Variants in CNTN4 observed in about 807,000 individuals in gnomAD.
CNTN4 encodes the protein contactin 4, also known as contactin-4.
In CNTN4, 77 loss-of-function variants were observed where a neutral mutation model predicts 122.5. The ratio of observed to expected loss-of-function variants is 0.63; its 90% CI spans 0.52 to 0.76. CNTN4 has a LOEUF of 0.76. CNTN4 is among the 30% of genes least tolerant of loss of function. CNTN4 has a pLI of 0.00. For missense variants in CNTN4, 1,256 were observed against 1,259.1 expected (o/e 1.00, Z 0.04); for synonymous variants, 512 against 447.0 (o/e 1.15, Z -1.83).
rs369095482 is a variant in CNTN4, at chr3:2,745,599, A to G, written c.260A>G (p.Asn87Ser). 2.4e-5 allele frequency: 39 copies of G among 1,614,052 alleles called. No homozygotes were observed. Among genetic ancestry groups the G allele is most frequent in the Middle Eastern group, 1.6e-4 (1 of 6,084 alleles). The stretch of plus-strand genomic sequence containing the variant: ...GTTGTTGAAGGGAGCTTGTTGATCA[A>G]TAACCCCAATAAAACCCAAGATGCT... ...YSVVEGSLLI[N>S]NPNKTQDAGT... The change falls in exon 6 of 25, where the codon AAT becomes AGT. Residue 87 changes from asparagine to serine, a missense_variant. Asn to Ser is a conservative substitution (Grantham distance 46). Coordinates refer to ENST00000418658, the MANE Select transcript of CNTN4 (RefSeq NM_175607.3).
At chr3:2,857,866 C>A (rs1028717851) in intron 7 of CNTN4, among the ~76,000 whole-genome samples, 1 of 152,230 alleles carries the variant, frequency 6.6e-6, no homozygotes, top group Non-Finnish European at 1.5e-5. Context: ...TTCAGCACCC[C>A]ACTTTTATCC....
In CNTN4 at chr3:2,669,437, A is replaced by T. The variant is rs567402265; in HGVS notation, c.56-66778A>T. 2.5e-3 allele frequency among the ~76,000 whole-genome samples: 385 copies of T among 152,238 alleles called. 3 individuals are homozygous for T. The highest frequency in any genetic ancestry group is 8.8e-3 in the African/African-American group (367 of 41,546). On this transcript the variant is annotated intron_variant, in intron 4 of 24. Coordinates refer to ENST00000418658, the MANE Select transcript of CNTN4 (RefSeq NM_175607.3). ...GTATTTCTGTGGGATCAGTGGTGAT[A>T]TCCCCTTTGTCATTTTTTATTGCAT...
chr3:2,441,599 T>C (rs1237650952), intron 3 of CNTN4, among the ~76,000 whole-genome samples: 2 of 152,208 alleles, frequency 1.3e-5, no homozygotes, highest in African/African-American at 4.8e-5. Context: ...TAATTTTGAT[T>C]CCTGCAGTGG....
At chr3:2,840,047 T>A (rs2093319357) in intron 7 of CNTN4, among the ~76,000 whole-genome samples, 1 of 152,144 alleles carries the variant, frequency 6.6e-6, no homozygotes, top group African/African-American at 2.4e-5. Flanking sequence ...AGGCACAGCT[T>A]CCAAAATCCC....
chr3:2,619,629 T>C (rs1021975337), intron 4 of CNTN4, among the ~76,000 whole-genome samples: 2 of 152,344 alleles, frequency 1.3e-5, no homozygotes, highest in African/African-American at 4.8e-5. Context: ...GAGCAAGTCC[T>C]GTAGAACTTA....
rs1353927918 is a variant in CNTN4 at position 2,912,018 on chromosome 3, T to A, written c.1207+9013T>A. Among the ~76,000 whole-genome samples, 4 of 152,186 alleles carry A rather than the reference T, an allele frequency of 2.6e-5. 1 individual carries two copies. The highest frequency in any genetic ancestry group is 2.6e-4 in the Admixed American group (4 of 15,288). ...AAGAGAGAAAATGGCAGAGAGCCTA[T>A]CTGAAGAAAAAATGGCTGAAAACTT... On this transcript the variant is annotated intron_variant, in intron 12 of 24. Coordinates refer to ENST00000418658, the MANE Select transcript of CNTN4 (RefSeq NM_175607.3).
chr3:2,225,726 G>T (rs990862301), intron 2 of CNTN4, among the ~76,000 whole-genome samples: 4 of 152,068 alleles, frequency 2.6e-5, no homozygotes, highest in African/African-American at 9.7e-5. Context: ...CGTCTGCCTT[G>T]ACACCATTCC....
chr3:2,771,511 C>CT (rs2091098663), intron 6 of CNTN4, among the ~76,000 whole-genome samples: 1 of 152,204 alleles, frequency 6.6e-6, no homozygotes, highest in Non-Finnish European at 1.5e-5. Flanking sequence ...TTCTACCTCT[C>CT]TGAGTCTCAG....
intron 4 of CNTN4, among the ~76,000 whole-genome samples, chr3:2,683,377 T>G (rs2085267045): frequency 6.6e-6 from 1 of 151,904 alleles, no homozygotes; most frequent in African/African-American, 2.4e-5. Context: ...CTCAGCAGCT[T>G]TTATCGAAAG....
At chr3:2,508,684 C>T (rs923106632) in intron 3 of CNTN4, among the ~76,000 whole-genome samples, 3 of 152,130 alleles carry the variant, frequency 2.0e-5, no homozygotes, top group African/African-American at 7.2e-5. Flanking sequence ...AAGTCTAAAA[C>T]AATCTCTGTA....
intron 2 of CNTN4, among the ~76,000 whole-genome samples, chr3:2,281,770 A>G (rs1305329940): frequency 6.6e-6 from 1 of 151,984 alleles, no homozygotes; most frequent in Non-Finnish European, 1.5e-5. Context: ...GAATTAATTA[A>G]TTTGTCGAAT....
chr3:2,676,641 T>G (rs906829070), intron 4 of CNTN4, among the ~76,000 whole-genome samples: 2 of 152,206 alleles, frequency 1.3e-5, no homozygotes, highest in African/African-American at 4.8e-5. Context: ...GTTGGCCAGG[T>G]AGAAAATAGC....
intron 3 of CNTN4, among the ~76,000 whole-genome samples, chr3:2,491,776 A>T (rs2076323215): frequency 6.6e-6 from 1 of 152,342 alleles, no homozygotes; most frequent in East Asian, 1.9e-4. Flanking sequence ...CCTAATTTAA[A>T]TCCTTCAGTA....
chr3:2,932,161 A>C (rs1012458701), intron 13 of CNTN4, among the ~76,000 whole-genome samples: 2 of 152,024 alleles, frequency 1.3e-5, no homozygotes, highest in African/African-American at 4.8e-5. Context: ...GCGGATCACG[A>C]GGTCAGGAGA....
At chr3:2,358,249 G>C (rs1203748345) in intron 3 of CNTN4, among the ~76,000 whole-genome samples, 1 of 152,134 alleles carries the variant, frequency 6.6e-6, no homozygotes, top group African/African-American at 2.4e-5. Context: ...GTGACCTTGA[G>C]TAAGCTTTCC....
At chr3:2,648,711 A>G (rs2083236734) in intron 4 of CNTN4, among the ~76,000 whole-genome samples, 1 of 152,128 alleles carries the variant, frequency 6.6e-6, no homozygotes, top group South Asian at 2.1e-4. Context: ...TTCAAATGAG[A>G]GGAAGAAGCG....
intron 12 of CNTN4, among the ~76,000 whole-genome samples, chr3:2,917,057 C>T (rs1020789825): frequency 7.9e-6 from 1 of 126,100 alleles, no homozygotes; most frequent in Admixed American, 8.2e-5. Context: ...CCCGGCACCT[C>T]GGGAGGCCGA....
rs976752694 is a variant in CNTN4 at position 3,037,303 on chromosome 3, A to G, written c.2067A>G (p.Ser689=). The part of the protein sequence containing the change: ...VIGIGEPSRP[S]EKRRTEEALP... Reference sequence around the variant, plus strand: ...GGATTGGGGAGCCCAGCCGCCCCTCAGAGAAACGGAGAACAGAAGAAGCTC... The same window carrying G: ...GGATTGGGGAGCCCAGCCGCCCCTCGGAGAAACGGAGAACAGAAGAAGCTC... Residue 689 remains serine (S), a synonymous_variant, in exon 18 of 25, where the codon TCA becomes TCG. Transcript: ENST00000418658. 5 of 1,614,080 alleles carry G rather than the reference A, an allele frequency of 3.1e-6. No individual in the cohort carries two copies. Among genetic ancestry groups the G allele is most frequent in the Admixed American group, 1.7e-5 (1 of 60,012 alleles).
chr3:2,178,381 G>C (rs2036849753), intron 2 of CNTN4, among the ~76,000 whole-genome samples: 1 of 151,908 alleles, frequency 6.6e-6, no homozygotes, highest in Admixed American at 6.6e-5. Flanking sequence ...GTTTCACAAA[G>C]TGTGATAGGC....
Sources: gnomAD v4.1 joint callset for allele counts (sites outside exome capture counted in the v4.1 genomes callset) on GRCh38, gnomAD v4.1.1 for gene constraint, MANE v1.5 for transcripts, NCBI Gene and HGNC (gene_info 2026-07-23, HGNC 2026-07-21) for gene names.